Variants in EVA1C observed in about 807,000 individuals in gnomAD.
EVA1C encodes the protein eva-1 homolog C.
A neutral mutation model predicts 45.4 loss-of-function variants in EVA1C; 25 were observed. That is an observed-to-expected ratio of 0.55 (90% CI 0.40 to 0.77). The LOEUF is 0.77. Among genes scored for constraint, EVA1C ranks in the 30% least tolerant of loss-of-function variants. The pLI is 0.00. For synonymous variants in EVA1C, 190 were observed against 221.2 expected (o/e 0.86, Z 1.25); for missense variants, 479 against 554.8 (o/e 0.86, Z 1.37).
Position 32,515,008 on chromosome 21 carries a change from T to G in EVA1C, c.1144T>G (p.Ser382Ala). 1 of 1,614,134 alleles carries G rather than the reference T, an allele frequency of 6.2e-7. No individual in the cohort carries two copies. The highest frequency in any genetic ancestry group is 8.5e-7 in the Non-Finnish European group (1 of 1,179,988). Residue 382 changes from serine to alanine, a missense_variant, in exon 8 of 8, where the codon TCT (serine) becomes GCT (alanine). This residue lies in a region of EVA1C where 366 missense variants were observed against 426.1 expected (regional missense o/e 0.86). Transcript: ENST00000300255. ...GGATGAAGAAGAGGAGGAGGACCCC[T>G]CTGAGTCTGATTTCCCAGGGGAACT... ...SEDEEEEEDP[S>A]ESDFPGELSG...
At position 32,515,328 on chromosome 21, in the gene EVA1C, T is replaced by C. The variant is rs1355571027; in HGVS notation, c.*138T>C. 6.7e-6 allele frequency: 6 copies of C among 891,890 alleles called. No individual in the cohort carries two copies. The African/African-American group carries it at 1.0e-4, about 15-fold the overall frequency. 55.2% of individuals were successfully genotyped at this position (891,890 alleles called of 1,614,324 possible). A position where few individuals can be genotyped will look rare whatever the true frequency, so the allele number is the denominator to read the frequency against. On this transcript the variant is annotated 3_prime_UTR_variant, in exon 8 of 8. Transcript: ENST00000300255. ...CAACACTCGTGAGGCCAGGAAGCTA[T>C]TAAAGGGATGTTTCAAGCTGTTTCT...
intron 1 of EVA1C, among the ~76,000 whole-genome samples, chr21:32,428,026 G>A (rs2034558963): frequency 6.6e-6 from 1 of 152,020 alleles, no homozygotes; most frequent in African/African-American, 2.4e-5. Flanking sequence ...GTCTTCTCTT[G>A]TTGATAAAGA....
At chr21:32,421,283 C>T (rs377161296) in intron 1 of EVA1C, among the ~76,000 whole-genome samples, 25 of 152,050 alleles carry the variant, frequency 1.6e-4, no homozygotes, top group Non-Finnish European at 2.5e-4. Context: ...GGTGCCTGAG[C>T]GCAGGCGATA....
At chr21:32,494,549 G>T (rs751575754) in intron 4 of EVA1C, among the ~76,000 whole-genome samples, 1 of 152,138 alleles carries the variant, frequency 6.6e-6, no homozygotes, top group East Asian at 1.9e-4. Flanking sequence ...TTGGGAGGCC[G>T]AAGCAGGCAA....
chr21:32,483,899 C>T (rs779147076), intron 4 of EVA1C, among the ~76,000 whole-genome samples: 2 of 151,370 alleles, frequency 1.3e-5, no homozygotes, highest in African/African-American at 4.9e-5. Context: ...GTGGTATGGC[C>T]GTAGACGTCC....
At chr21:32,436,418 C>T (rs1280466748) in intron 1 of EVA1C, among the ~76,000 whole-genome samples, 1 of 152,248 alleles carries the variant, frequency 6.6e-6, no homozygotes, top group African/African-American at 2.4e-5. Flanking sequence ...CCACTCTCTA[C>T]CTTTGGCTTA....
intron 1 of EVA1C, among the ~76,000 whole-genome samples, chr21:32,421,167 G>GAGTGGTTAAATATAAAGAACATCC (rs145422635): frequency 6.6e-6 from 1 of 152,026 alleles, no homozygotes; most frequent in Non-Finnish European, 1.5e-5. Context: ...AATGAGTGGT[G>GAGTGGTTAAATATAAAGAACATCC]AGGAAACAAA....
chr21:32,511,498 A>G (rs535405252), intron 7 of EVA1C, among the ~76,000 whole-genome samples: 1 of 152,204 alleles, frequency 6.6e-6, no homozygotes, highest in African/African-American at 2.4e-5. Context: ...TGTAACTGGA[A>G]AAGCACAGGC....
chr21:32,480,302 T>TAAAAAAAAAAAAAAAAAAAA (rs56902183), intron 4 of EVA1C, among the ~76,000 whole-genome samples: 1 of 105,188 alleles, frequency 9.5e-6, no homozygotes. Context: ...CCCTGTCTCT[T>TAAAAAAAAAAAAAAAAAAAA]AAAAAAAAAA....
rs180916107 is a variant in EVA1C at position 32,455,914 on chromosome 21, C to T, written c.358-1683C>T. The stretch of plus-strand genomic sequence containing the variant: ...GTCTTTTTTGTTTGTTTGTTTGAGA[C>T]GGAGTTTCACTCTTGTTGCCCAGGC... On this transcript the variant is annotated intron_variant, in intron 2 of 7. Coordinates refer to ENST00000300255, the MANE Select transcript of EVA1C (RefSeq NM_058187.5). Among the ~76,000 whole-genome samples the T allele has an allele frequency of 6.7e-4, 102 of 152,170 alleles. No individual in the cohort carries two copies. The South Asian group carries it at 7.7e-3, about 11-fold the overall frequency.
chr21:32,441,991 G>A (rs1156333592), intron 1 of EVA1C, among the ~76,000 whole-genome samples: 2 of 152,124 alleles, frequency 1.3e-5, no homozygotes, highest in Admixed American at 6.5e-5. Context: ...GGGGTCTCAA[G>A]GGCCAGACCT....
In EVA1C at chr21:32,501,495, G is replaced by C. The variant is rs1435495696; in HGVS notation, c.859G>C (p.Gly287Arg). ...TTTGAAGCAGAAAGATGGTGAATATGGTAATTTTTATGGCTTACTACCAGC... is the reference window on the plus strand; with the variant it reads ...TTTGAAGCAGAAAGATGGTGAATATCGTAATTTTTATGGCTTACTACCAGC... ...PSLKQKDGEY[G>R]INFDPSGSKV... The change falls in exon 6 of 8, where the codon GGT becomes CGT. Residue 287 changes from glycine (G) to arginine (R), a missense_variant and splice_region_variant. By Grantham distance (125) the Gly-to-Arg change is moderately radical. Transcript: ENST00000300255. The C allele has an allele frequency of 1.9e-6, 3 of 1,594,296 alleles. No individual in the cohort carries two copies. In the African/African-American group the frequency reaches 4.0e-5, roughly 21 times the overall value.
rs1381984245 is a variant in EVA1C, at chr21:32,452,287, C to T, written c.161-1025C>T. 1 of 152,200 alleles carries T rather than the reference C, an allele frequency of 6.6e-6. No individual in the cohort carries two copies. Among genetic ancestry groups the T allele is most frequent in the Non-Finnish European group, 1.5e-5 (1 of 68,106 alleles). The allele number at this position is 152,200 out of a possible 1,614,324, so 9.4% of individuals were successfully genotyped here. On this transcript the variant is annotated intron_variant, in intron 1 of 7. Coordinates refer to ENST00000300255, the MANE Select transcript of EVA1C (RefSeq NM_058187.5). This position sits in a 1 kb window ranked among gnomAD's most constrained non-coding sequence, Gnocchi z 4.0. ...CCTCCAAACCATTCAGTGGGCCATCCCAGACCGAGGTTTCTGACCCAGACA... is the reference window on the plus strand; with the variant it reads ...CCTCCAAACCATTCAGTGGGCCATCTCAGACCGAGGTTTCTGACCCAGACA...
rs1166757794 is a variant in EVA1C at position 32,419,103 on chromosome 21, ATTG to A, written c.160+6093_160+6095del. ...GTTTCTGTTCATAATGTTTTTTATA[ATTG>A]TTTCTGCCAGTAATAATAATTATTT... On this transcript the variant is annotated intron_variant, in intron 1 of 7. Transcript: ENST00000300255. Among the ~76,000 whole-genome samples, 5 of 152,264 alleles carry A rather than the reference ATTG, an allele frequency of 3.3e-5. No individual in the cohort carries two copies. The East Asian group carries it at 7.7e-4, about 23-fold the overall frequency.
At position 32,412,775 on chromosome 21, in the gene EVA1C, C is replaced by A; in HGVS notation, c.-79C>A. On this transcript the variant is annotated 5_prime_UTR_variant, in exon 1 of 8. Coordinates refer to ENST00000300255, the MANE Select transcript of EVA1C (RefSeq NM_058187.5). ...GGAGCCGCTGGCCATCGATTCTCCC[C>A]GCCATGTGACGCCGTCCTTAGCCCT... 1.6e-6 allele frequency: 2 copies of A among 1,271,384 alleles called. No individual in the cohort carries two copies. The highest frequency in any genetic ancestry group is 3.2e-5 in the East Asian group (1 of 31,298). 78.8% of individuals were successfully genotyped at this position (1,271,384 alleles called of 1,614,324 possible).
intron 3 of EVA1C, among the ~76,000 whole-genome samples, chr21:32,464,806 G>A (rs1390421850): frequency 6.6e-6 from 1 of 152,186 alleles, no homozygotes; most frequent in Non-Finnish European, 1.5e-5. Context: ...CTGGGTGACA[G>A]AGTGAGACCC....
chr21:32,468,020 GTA>G, intron 4 of EVA1C, 172 bp downstream of exon 4: 1 of 329,422 alleles, frequency 3.0e-6, no homozygotes, highest in Non-Finnish European at 5.2e-6. Context: ...GTGTGTGTGT[GTA>G]TGTATATATA....
intron 5 of EVA1C, among the ~76,000 whole-genome samples, chr21:32,495,945 G>A (rs1231670346): frequency 2.0e-5 from 3 of 152,132 alleles, no homozygotes; most frequent in East Asian, 1.9e-4. Flanking sequence ...TTTTTCCCCT[G>A]CCAAACATTC....
At chr21:32,475,173 G>GTTAAAGTTTTGCCTATAA (rs1366055342) in intron 4 of EVA1C, among the ~76,000 whole-genome samples, 2 of 152,248 alleles carry the variant, frequency 1.3e-5, no homozygotes, top group South Asian at 2.1e-4. Context: ...GTTAAAGTCT[G>GTTAAAGTTTTGCCTATAA]GCAAAACCCC....
Sources: gnomAD v4.1 joint callset for allele counts (sites outside exome capture counted in the v4.1 genomes callset) on GRCh38, gnomAD v4.1.1 for gene constraint, gnomAD v4.1.1 regional missense constraint, Gnocchi (gnomAD v3.1) non-coding constraint, MANE v1.5 for transcripts, NCBI Gene and HGNC (gene_info 2026-07-23, HGNC 2026-07-21) for gene names.